Variants in NOTCH4 observed in about 807,000 individuals in gnomAD.
NOTCH4 encodes the protein notch receptor 4, also known as neurogenic locus notch homolog protein 4.
In NOTCH4, 138 loss-of-function variants were observed where a neutral mutation model predicts 189.0. The observed-to-expected ratio is 0.73, with a 90% CI of 0.64 to 0.84. The LOEUF is 0.84. Ranked by LOEUF, NOTCH4 falls within the 40% of genes least tolerant of loss-of-function variation. The pLI, the probability that NOTCH4 is intolerant of heterozygous loss-of-function variation, is 0.00. For synonymous variants in NOTCH4, 942 were observed against 1,032.8 expected (o/e 0.91, Z 1.69); for missense variants, 2,286 against 2,605.4 (o/e 0.88, Z 2.67).
At position 32,197,035 on chromosome 6, in the gene NOTCH4, C is replaced by T. The variant is rs1179455718; in HGVS notation, c.5090G>A (p.Arg1697His). ...LRSRQTAVDA[R>H]TEDGTTPLML... ...CAAGGGTGTGGTCCCGTCCTCTGTG[C>T]GAGCGTCCACTGCAGTTTGTCTGCT... The change falls in exon 28 of 30, where the codon CGC becomes CAC. Residue 1697 changes from arginine (R) to histidine (H), a missense_variant. Coordinates refer to ENST00000375023, the MANE Select transcript of NOTCH4 (RefSeq NM_004557.4). 1 of 1,612,740 alleles carries T rather than the reference C, an allele frequency of 6.2e-7. No homozygotes were observed. Among genetic ancestry groups the T allele is most frequent in the Non-Finnish European group, 8.5e-7 (1 of 1,180,024 alleles).
chr6:32,221,430 A>T lies in NOTCH4; in HGVS notation c.452-105T>A. The T allele has an allele frequency of 1.3e-6, 1 of 789,536 alleles. No individual in the cohort carries two copies. Among genetic ancestry groups the T allele is most frequent in the Non-Finnish European group, 2.0e-6 (1 of 495,250 alleles). The allele number at this position is 789,536 out of a possible 1,614,324, so 48.9% of individuals were successfully genotyped here. A position where few individuals can be genotyped will look rare whatever the true frequency, so the allele number is the denominator to read the frequency against. On this transcript the variant is annotated intron_variant, in intron 3 of 29. Transcript: ENST00000375023. This position sits in a 1 kb window ranked among gnomAD's most constrained non-coding sequence, Gnocchi z 4.3. ...GATTATCTCTGGGTCTCATTTTCAT[A>T]TTTCCTTCCCTTTATTACCATACTT...
Position 32,202,343 on chromosome 6 carries a change from T to C in NOTCH4, c.3488A>G (p.His1163Arg), listed in dbSNP as rs779395709. Residue 1163 changes from histidine to arginine, a missense_variant, in exon 21 of 30, where the codon CAC becomes CGC. Around this residue, in one of 2 missense-constraint regions of NOTCH4, gnomAD observed 1,903 missense variants for 2,261.9 expected, o/e 0.84. Coordinates refer to ENST00000375023, the MANE Select transcript of NOTCH4 (RefSeq NM_004557.4). The surrounding 1 kb of genome is among the most constrained non-coding windows in gnomAD (Gnocchi z 5.7). ...CTGACACCGGGGCCCTGGAGAGCTG[T>C]GAGGGCAGGAGCATCGAAAGCCTGG... Reference protein sequence around the residue: ...GGPGFRCSCPHSSPGPRCQKP... With the variant: ...GGPGFRCSCPRSSPGPRCQKP... 1.2e-6 allele frequency: 2 copies of C among 1,612,810 alleles called. No individual in the cohort carries two copies. The highest frequency in any genetic ancestry group is 1.7e-6 in the Non-Finnish European group (2 of 1,179,940).
chr6:32,197,170 C>T, intron 27 of NOTCH4, 98 bp from the exon 28 acceptor site: 5 of 1,527,986 alleles, frequency 3.3e-6, no homozygotes, highest in Non-Finnish European at 4.4e-6. Context: ...ATTCAGCCAT[C>T]CTCCGCAGTT....
intron 18 of NOTCH4, among the ~76,000 whole-genome samples, chr6:32,206,091 A>G (rs908168357): frequency 1.3e-5 from 2 of 152,104 alleles, no homozygotes; most frequent in African/African-American, 4.8e-5. Flanking sequence ...ATATATGACA[A>G]ACCCACAGCT....
Position 32,212,716 on chromosome 6 carries a change from C to T in NOTCH4, c.2527-89G>A. The T allele has an allele frequency of 6.6e-7, 1 of 1,507,848 alleles. No homozygotes were observed. The highest frequency in any genetic ancestry group is 8.9e-7 in the Non-Finnish European group (1 of 1,119,026). The allele number at this position is 1,507,848 out of a possible 1,614,324, so 93.4% of individuals were successfully genotyped here. A position where few individuals can be genotyped will look rare whatever the true frequency, so the allele number is the denominator to read the frequency against. ...TCTGCCCACTCCAGCTCCTCGAAAT[C>T]CCTTACTTCAAAAACCTTCTCCTGA... On this transcript the variant is annotated intron_variant, in intron 16 of 29. Coordinates refer to ENST00000375023, the MANE Select transcript of NOTCH4 (RefSeq NM_004557.4). The surrounding 1 kb of genome is among the most constrained non-coding windows in gnomAD (Gnocchi z 4.4).
At chr6:32,203,193 T>G (rs1052421593) in intron 20 of NOTCH4, 1 of 152,436 alleles carries the variant, frequency 6.6e-6, no homozygotes, top group Admixed American at 6.5e-5. Flanking sequence ...CGTGAGCCAC[T>G]GTGCCCGGCC....
In NOTCH4 at chr6:32,195,658, G is replaced by A. The variant is rs758742555; in HGVS notation, c.5791C>T (p.Arg1931Ter). 2 of 1,612,924 alleles carry A rather than the reference G, an allele frequency of 1.2e-6. No homozygotes were observed. Among genetic ancestry groups the A allele is most frequent in the Non-Finnish European group, 8.5e-7 (1 of 1,179,960 alleles). ...CCGGCAGCCACTCCGTATCTTCCTCGCATTATCGCAGGGTTGGGCCGAGGC... is the reference window on the plus strand; with the variant it reads ...CCGGCAGCCACTCCGTATCTTCCTCACATTATCGCAGGGTTGGGCCGAGGC... ...RGPRPNPAIM[R>*]GRYGVAAGRG... is the part of the protein sequence containing the mutation. The change falls in exon 30 of 30, where the codon CGA (arginine) becomes TGA (stop). Residue 1931 changes from arginine to a stop codon, truncating the protein, a stop_gained. Transcript: ENST00000375023. LOFTEE classifies it low-confidence loss of function (END_TRUNC). The surrounding 1 kb of genome is among the most constrained non-coding windows in gnomAD (Gnocchi z 5.4).
At chr6:32,220,907 G>A (rs986656670) in intron 4 of NOTCH4, 29 bp from the exon 5 acceptor site, 1 of 1,608,812 alleles carries the variant, frequency 6.2e-7, no homozygotes, top group African/African-American at 1.3e-5. Flanking sequence ...AGCTGTGGGA[G>A]GAGGCTCCAA....
At chr6:32,204,913 C>T (rs1788579407) in intron 18 of NOTCH4, among the ~76,000 whole-genome samples, 1 of 152,188 alleles carries the variant, frequency 6.6e-6, no homozygotes, top group South Asian at 2.1e-4. Flanking sequence ...TCGATTTTTA[C>T]TTTGCACGTA....
In NOTCH4 at chr6:32,197,414, CGGGAGAAT is replaced by C; in HGVS notation, c.4929_4936del (p.Phe1644AlafsTer9). 6.5e-7 allele frequency: 1 copy of C among 1,543,640 alleles called. No individual in the cohort carries two copies. ...AAGGAGGCGGCGGGCAGCGGTTGGC[CGGGAGAAT>C]CGGGCAGCCAGGTGCAGGGGGGTCT... On this transcript the variant is annotated frameshift_variant, in exon 27 of 30. Transcript: ENST00000375023. LOFTEE classifies it high-confidence loss of function.
rs1202986781 is a variant in NOTCH4, at chr6:32,212,950, C to T, written c.2439-39G>A. On this transcript the variant is annotated intron_variant, in intron 15 of 29. Transcript: ENST00000375023. This position sits in a 1 kb window ranked among gnomAD's most constrained non-coding sequence, Gnocchi z 4.4. ...AGACAGGGCATGATAGGAAGAAGTT[C>T]GGGCAACAAGGGGAAGGTAGTGTGT... The T allele has an allele frequency of 7.8e-6, 12 of 1,531,942 alleles. No individual in the cohort carries two copies. Among genetic ancestry groups the T allele is most frequent in the East Asian group, 4.6e-5 (2 of 43,788 alleles). The allele number at this position is 1,531,942 out of a possible 1,614,324, so 94.9% of individuals were successfully genotyped here. A position where few individuals can be genotyped will look rare whatever the true frequency, so the allele number is the denominator to read the frequency against.
Position 32,198,996 on chromosome 6 carries a change from G to T in NOTCH4, c.4465C>A (p.Arg1489=). The change falls in exon 24 of 30, where the codon CGA becomes AGA. Residue 1489 remains arginine, a synonymous_variant. Transcript: ENST00000375023. The surrounding 1 kb of genome is among the most constrained non-coding windows in gnomAD (Gnocchi z 5.5). ...GALWLPPGFT[R]RPRTQSAPHR... is the part of the protein sequence containing the mutation. The stretch of plus-strand genomic sequence containing the variant: ...GGAGCTGACTGAGTCCGAGGCCGTC[G>T]AGTGAAACCAGGGGGCAGCCAGAGA... The T allele has an allele frequency of 6.2e-7, 1 of 1,611,798 alleles. No individual in the cohort carries two copies. The highest frequency in any genetic ancestry group is 8.5e-7 in the Non-Finnish European group (1 of 1,179,340).
intron 18 of NOTCH4, among the ~76,000 whole-genome samples, chr6:32,208,903 C>T (rs549608187): frequency 4.9e-4 from 74 of 152,316 alleles, no homozygotes; most frequent in African/African-American, 1.8e-3. Context: ...ATCTACTGTT[C>T]ATTACATATC....
Position 32,221,323 on chromosome 6 carries a change from C to T in NOTCH4, c.454G>A (p.Glu152Lys). The T allele has an allele frequency of 6.2e-7, 1 of 1,610,652 alleles. No homozygotes were observed. The highest frequency in any genetic ancestry group is 1.1e-5 in the South Asian group (1 of 90,820). ...QCSCMPGWTG[E>K]QCQLRDFCSA... is the part of the protein sequence containing the mutation. ...CAGAAGTCCCGAAGCTGGCACTGCTCACCTGAGGCAGAGGACAGAGGGAGC... is the reference window on the plus strand; with the variant it reads ...CAGAAGTCCCGAAGCTGGCACTGCTTACCTGAGGCAGAGGACAGAGGGAGC... The change falls in exon 4 of 30, where the codon GAG (glutamate) becomes AAG (lysine). Residue 152 changes from glutamate (E) to lysine (K), a missense_variant and splice_region_variant. This residue lies in a region of NOTCH4 where 1,903 missense variants were observed against 2,261.9 expected (regional missense o/e 0.84). Coordinates refer to ENST00000375023, the MANE Select transcript of NOTCH4 (RefSeq NM_004557.4). This position sits in a 1 kb window ranked among gnomAD's most constrained non-coding sequence, Gnocchi z 4.3.
At chr6:32,196,839 C>T in intron 28 of NOTCH4, 86 bp downstream of exon 28, 1 of 1,510,212 alleles carries the variant, frequency 6.6e-7, no homozygotes, top group Non-Finnish European at 9.1e-7. Context: ...GGGAATGCCC[C>T]TCTGCTGCAC....
chr6:32,205,271 C>T (rs566094187), intron 18 of NOTCH4, among the ~76,000 whole-genome samples: 5 of 151,916 alleles, frequency 3.3e-5, no homozygotes, highest in South Asian at 2.1e-4. Context: ...AGTAAATAGC[C>T]GGGTGCGGTG....
chr6:32,223,753 C>T (rs553193527), intron 1 of NOTCH4, 103 bp downstream of exon 1: 2 of 1,171,028 alleles, frequency 1.7e-6, no homozygotes, highest in African/African-American at 1.5e-5. Context: ...CTCCTCCATC[C>T]AGCATCCCTC....
chr6:32,196,877 C>A, intron 28 of NOTCH4, 48 bp downstream of exon 28: 1 of 1,603,778 alleles, frequency 6.2e-7, no homozygotes, highest in Non-Finnish European at 8.5e-7. Context: ...TCTCCCACCC[C>A]ATCTGCTCAA....
At chr6:32,196,469 C>T in intron 28 of NOTCH4, 48 bp from the exon 29 acceptor site, 5 of 1,600,642 alleles carry the variant, frequency 3.1e-6, no homozygotes, top group Non-Finnish European at 4.3e-6. Context: ...GGCCAGACGC[C>T]TGGGTTCCGG....
Sources: allele counts gnomAD v4.1 joint callset (sites outside exome capture counted in the v4.1 genomes callset), GRCh38; gene constraint gnomAD v4.1.1; regional missense constraint gnomAD v4.1.1; non-coding constraint Gnocchi (gnomAD v3.1); transcripts MANE v1.5; gene names NCBI Gene and HGNC (gene_info 2026-07-23, HGNC 2026-07-21).